The following PUDP variants were observed in gnomAD, a reference collection of about 807,000 sequenced individuals.
PUDP encodes pseudouridine 5'-phosphatase.
PUDP carries 8 observed loss-of-function variants against 9.4 expected under a neutral mutation model. The ratio of observed to expected loss-of-function variants is 0.85; its 90% CI spans 0.50 to 1.53. The LOEUF (loss-of-function observed/expected upper bound fraction) is 1.53. PUDP is among the 40% of genes most tolerant of loss of function. The pLI is 0.00. For synonymous variants in PUDP, 99 were observed against 80.7 expected (o/e 1.23, Z -1.22); for missense variants, 188 against 189.7 (o/e 0.99, Z 0.05).
chrX:6,841,770 G>GT (rs1301554005), intron 3 of PUDP, among the ~76,000 whole-genome samples: 1 of 111,542 alleles, frequency 9.0e-6, no homozygotes, highest in Non-Finnish European at 1.9e-5. Flanking sequence ...TTCTTTCTTT[G>GT]TTTTTTTCTT....
intron 1 of PUDP, among the ~76,000 whole-genome samples, chrX:6,711,656 T>A (rs771734128): frequency 1.8e-5 from 2 of 111,882 alleles, no homozygotes; most frequent in African/African-American, 6.5e-5. Flanking sequence ...AAACTTTTCC[T>A]TCCGAGGCTT....
intron 3 of PUDP, among the ~76,000 whole-genome samples, chrX:7,067,261 T>C (rs1443010712): frequency 1.8e-5 from 2 of 112,141 alleles, no homozygotes; most frequent in Non-Finnish European, 3.8e-5. Context: ...GCCCCAGGAA[T>C]GGCTCAGCTC....
chrX:7,025,515 C>T (rs1208798328), intron 1 of PUDP, among the ~76,000 whole-genome samples: 1 of 111,940 alleles, frequency 8.9e-6, no homozygotes, highest in African/African-American at 3.2e-5. Context: ...TGTAGTACAA[C>T]CTCCCAACTG....
rs777959648 is a variant in PUDP at position 6,925,002 on chromosome X, C to T, written c.*247+52131G>A. Among the ~76,000 whole-genome samples, 3 of 111,950 alleles carry T rather than the reference C, an allele frequency of 2.7e-5. No homozygotes were observed. In the South Asian group the frequency reaches 1.1e-3, roughly 42 times the overall value. ...ATGATGCCCAAGGAGAACTAAGGTGCACATCTTGCCTTAAAATAAATACAA... is the reference window on the plus strand; with the variant it reads ...ATGATGCCCAAGGAGAACTAAGGTGTACATCTTGCCTTAAAATAAATACAA... On this transcript the variant is annotated intron_variant and NMD_transcript_variant, in intron 3 of 3. Coordinates refer to the PUDP transcript ENST00000655425.
intron 3 of PUDP, among the ~76,000 whole-genome samples, chrX:6,879,179 A>G (rs1927309350): frequency 9.0e-6 from 1 of 111,550 alleles, no homozygotes; most frequent in African/African-American, 3.3e-5. Context: ...ATGTTACCCC[A>G]TGGTTACTGT....
At chrX:7,101,880 A>G (rs1931745912) in intron 2 of PUDP, among the ~76,000 whole-genome samples, 1 of 112,320 alleles carries the variant, frequency 8.9e-6, no homozygotes, top group Non-Finnish European at 1.9e-5. Flanking sequence ...ATTTGTTGGC[A>G]TATCCTTTGA....
At chrX:6,930,591 T>G (rs1265696916) in intron 3 of PUDP, among the ~76,000 whole-genome samples, 1 of 111,222 alleles carries the variant, frequency 9.0e-6, no homozygotes, top group Non-Finnish European at 1.9e-5. Flanking sequence ...AATCCACCCC[T>G]CATTCAGCAA....
At chrX:6,996,655 T>C (rs187026935) in intron 1 of PUDP, among the ~76,000 whole-genome samples, 2 of 103,237 alleles carry the variant, frequency 1.9e-5, no homozygotes, top group Admixed American at 2.2e-4. Flanking sequence ...TGTGTGTATA[T>C]ATATATACAT....
rs180921387 is a variant in PUDP, at chrX:6,931,301, A to G, written c.*247+45832T>C. On this transcript the variant is annotated intron_variant and NMD_transcript_variant, in intron 3 of 3. Coordinates refer to the PUDP transcript ENST00000655425. The stretch of plus-strand genomic sequence containing the variant: ...TGGTCACAGCAACAGAGAATGCTCA[A>G]AAAAGAGCCAGACTTGGAATGTCAT... Among the ~76,000 whole-genome samples, 735 of 112,099 alleles carry G rather than the reference A, an allele frequency of 6.6e-3. 8 individuals carry two copies. Among genetic ancestry groups the G allele is most frequent in the African/African-American group, 0.02 (617 of 30,844 alleles).
At chrX:6,959,303 C>CA (rs765697904) in intron 3 of PUDP, among the ~76,000 whole-genome samples, 2 of 111,353 alleles carry the variant, frequency 1.8e-5, no homozygotes, top group South Asian at 3.8e-4. Flanking sequence ...GCCCATGGGA[C>CA]CACAGTACTC....
At chrX:6,820,857 G>A (rs760991036) in intron 3 of PUDP, among the ~76,000 whole-genome samples, 34 of 111,610 alleles carry the variant, frequency 3.0e-4, no homozygotes, top group African/African-American at 9.8e-4. Flanking sequence ...GGGGTCTAGA[G>A]GACGGTGGCC....
At chrX:6,814,548 T>C (rs1011246296) in intron 3 of PUDP, among the ~76,000 whole-genome samples, 3 of 111,262 alleles carry the variant, frequency 2.7e-5, no homozygotes, top group Admixed American at 1.9e-4. Context: ...AATGGGCAAA[T>C]ATACCCCTCT....
In PUDP at chrX:6,904,106, C is replaced by T. The variant is rs765783119; in HGVS notation, c.*247+73027G>A. ...AGCTGGAATTACAGGCACCCGCCAC[C>T]GTGCCCAGCTAATTGCTGTATTTTT... On this transcript the variant is annotated intron_variant and NMD_transcript_variant, in intron 3 of 3. Coordinates refer to the PUDP transcript ENST00000655425. Among the ~76,000 whole-genome samples, 27 of 109,039 alleles carry T rather than the reference C, an allele frequency of 2.5e-4. No individual in the cohort carries two copies. The South Asian group carries it at 8.3e-3, about 34-fold the overall frequency. 94.7% of individuals were successfully genotyped at this position (109,039 alleles called of 115,157 possible).
intron 3 of PUDP, among the ~76,000 whole-genome samples, chrX:6,950,464 G>A (rs183485399): frequency 3.6e-4 from 29 of 80,866 alleles, no homozygotes; most frequent in African/African-American, 1.3e-3. Flanking sequence ...AGGCTGGAAT[G>A]CAGTGGTGTG....
At chrX:6,852,408 G>T (rs1199755943) in intron 3 of PUDP, among the ~76,000 whole-genome samples, 1 of 112,407 alleles carries the variant, frequency 8.9e-6, no homozygotes, top group Non-Finnish European at 1.9e-5. Flanking sequence ...GCTGGCAGGG[G>T]TGTTGTCTGC....
At chrX:6,753,888 T>C (rs1925138307) in intron 3 of PUDP, among the ~76,000 whole-genome samples, 2 of 112,070 alleles carry the variant, frequency 1.8e-5, no homozygotes, top group Admixed American at 9.5e-5. Flanking sequence ...CTTTGTCAGA[T>C]GTATAGATTG....
At chrX:6,766,632 T>A (rs1925289069) in intron 3 of PUDP, among the ~76,000 whole-genome samples, 2 of 111,901 alleles carry the variant, frequency 1.8e-5, no homozygotes, top group Non-Finnish European at 3.8e-5. Context: ...TACCATTTTA[T>A]AAAATTTTAG....
intron 2 of PUDP, 66 bp from the exon 3 acceptor site, chrX:7,077,515 G>C: frequency 1.2e-6 from 1 of 844,541 alleles, no homozygotes. Flanking sequence ...TTCTTGCAGG[G>C]ACAGTCCCTC....
intron 3 of PUDP, among the ~76,000 whole-genome samples, chrX:6,887,026 A>G (rs1010668207): frequency 1.9e-5 from 2 of 106,296 alleles, no homozygotes; most frequent in Non-Finnish European, 3.8e-5. Flanking sequence ...CATATATTAT[A>G]TATCTATATG....
Sources: allele counts gnomAD v4.1 joint callset (sites outside exome capture counted in the v4.1 genomes callset), GRCh38; gene constraint gnomAD v4.1.1; transcripts MANE v1.5; gene names NCBI Gene and HGNC (gene_info 2026-07-23, HGNC 2026-07-21).